Variants in NTRK2 observed in about 807,000 individuals in gnomAD.
The protein encoded by NTRK2 is neurotrophic receptor tyrosine kinase 2.
In NTRK2, 13 loss-of-function variants were observed where a neutral mutation model predicts 94.5. That is an observed-to-expected ratio of 0.14 (90% CI 0.09 to 0.22). NTRK2 has a LOEUF of 0.22. NTRK2 is among the 10% of genes least tolerant of loss of function. The pLI is 1.00. For missense variants in NTRK2, 639 were observed against 1,071.2 expected (o/e 0.60, Z 5.63); for synonymous variants, 372 against 407.4 (o/e 0.91, Z 1.05).
At chr9:84,785,873 G>A (rs1385921526) in intron 12 of NTRK2, among the ~76,000 whole-genome samples, 1 of 152,134 alleles carries the variant, frequency 6.6e-6, no homozygotes, top group African/African-American at 2.4e-5. Context: ...TAGTCATTGT[G>A]GACAAAGGAT....
chr9:84,823,308 G>A (rs1224542538), intron 12 of NTRK2, among the ~76,000 whole-genome samples: 1 of 152,080 alleles, frequency 6.6e-6, no homozygotes, highest in African/African-American at 2.4e-5. Context: ...TTCCTATCAT[G>A]ACAGCTCTTG....
intron 17 of NTRK2, among the ~76,000 whole-genome samples, chr9:84,987,725 A>G (rs1456483113): frequency 6.6e-6 from 1 of 152,174 alleles, no homozygotes; most frequent in African/African-American, 2.4e-5. Flanking sequence ...ATTTACTACC[A>G]CTAAATTATA....
intron 17 of NTRK2, among the ~76,000 whole-genome samples, chr9:84,972,176 G>A (rs950255137): frequency 6.6e-6 from 1 of 152,154 alleles, no homozygotes; most frequent in African/African-American, 2.4e-5. Flanking sequence ...GGACATACTA[G>A]CTACCTTCTG....
chr9:84,902,913 A>C (rs2076973122), intron 14 of NTRK2, among the ~76,000 whole-genome samples: 2 of 152,296 alleles, frequency 1.3e-5, no homozygotes, highest in South Asian at 2.1e-4. Context: ...ATGAGGTCTA[A>C]ATGCAACAAT....
chr9:84,933,753 C>A (rs540017059), intron 14 of NTRK2, among the ~76,000 whole-genome samples: 1 of 152,272 alleles, frequency 6.6e-6, no homozygotes, highest in African/African-American at 2.4e-5. Context: ...ATGGCTTAAC[C>A]AATAATTCAG....
At chr9:84,694,151 G>A (rs922764715) in intron 2 of NTRK2, among the ~76,000 whole-genome samples, 5 of 152,172 alleles carry the variant, frequency 3.3e-5, no homozygotes, top group African/African-American at 1.2e-4. Context: ...GACTTCAGAG[G>A]CAGGTACATC....
At chr9:84,801,660 G>A (rs949186538) in intron 12 of NTRK2, among the ~76,000 whole-genome samples, 1 of 152,134 alleles carries the variant, frequency 6.6e-6, no homozygotes, top group African/African-American at 2.4e-5. Context: ...GGCAGGCCAG[G>A]CTATGCTATG....
At chr9:84,836,169 A>C (rs940954248) in intron 12 of NTRK2, among the ~76,000 whole-genome samples, 1 of 152,236 alleles carries the variant, frequency 6.6e-6, no homozygotes. Context: ...CATATTGTGA[A>C]CATTTTATTA....
intron 17 of NTRK2, among the ~76,000 whole-genome samples, chr9:84,978,701 G>A (rs886514929): frequency 6.6e-6 from 1 of 152,174 alleles, no homozygotes; most frequent in African/African-American, 2.4e-5. Flanking sequence ...TGCCATCTGG[G>A]CTATGAAAAT....
chr9:84,862,113 A>G (rs1034295012), intron 13 of NTRK2, among the ~76,000 whole-genome samples: 5 of 152,180 alleles, frequency 3.3e-5, no homozygotes, highest in Admixed American at 2.6e-4. Context: ...GACTCTCGCT[A>G]GCTCCATGGA....
intron 2 of NTRK2, among the ~76,000 whole-genome samples, chr9:84,672,544 A>G (rs1295495929): frequency 6.6e-6 from 1 of 151,990 alleles, no homozygotes; most frequent in Non-Finnish European, 1.5e-5. Context: ...AGTGCTTCTG[A>G]CTGTTTTGAG....
chr9:84,814,970 G>C, intron 12 of NTRK2: 3 of 1,059,878 alleles, frequency 2.8e-6, no homozygotes, highest in Non-Finnish European at 3.4e-6. Context: ...TTCATCTAAA[G>C]ACATAGGGGA....
chr9:84,815,520 T>TG, intron 12 of NTRK2: 1 of 857,956 alleles, frequency 1.2e-6, no homozygotes, highest in African/African-American at 1.8e-5. Flanking sequence ...CATGCCCTGT[T>TG]TTTTTTTTTT....
intron 6 of NTRK2, among the ~76,000 whole-genome samples, chr9:84,723,031 A>G (rs972603476): frequency 6.6e-6 from 1 of 152,328 alleles, no homozygotes; most frequent in South Asian, 2.1e-4. Flanking sequence ...CTTTGAAACT[A>G]CATTTTCTTC....
chr9:84,982,596 A>G (rs1827769788), intron 17 of NTRK2, among the ~76,000 whole-genome samples: 1 of 152,168 alleles, frequency 6.6e-6, no homozygotes, highest in Non-Finnish European at 1.5e-5. Flanking sequence ...CTTTGTCCCA[A>G]CATCTTCATT....
At chr9:84,874,166 C>A (rs1173479434) in intron 14 of NTRK2, 2 of 1,064,870 alleles carry the variant, frequency 1.9e-6, no homozygotes, top group Non-Finnish European at 2.3e-6. Context: ...GCCACTCTTG[C>A]ATGTGCTAGT....
At chr9:84,922,771 G>A (rs903525217) in intron 14 of NTRK2, among the ~76,000 whole-genome samples, 10 of 152,140 alleles carry the variant, frequency 6.6e-5, no homozygotes, top group Non-Finnish European at 1.2e-4. Context: ...ACTCATCCTT[G>A]AGTCTTCCAC....
chr9:84,676,393 A>G (rs2059055720), intron 2 of NTRK2, among the ~76,000 whole-genome samples: 1 of 151,662 alleles, frequency 6.6e-6, no homozygotes. Context: ...TCTGCTCTGA[A>G]CTCCCTCAAA....
chr9:84,694,114 G>A (rs1011094784), intron 2 of NTRK2, among the ~76,000 whole-genome samples: 1 of 152,194 alleles, frequency 6.6e-6, no homozygotes, highest in East Asian at 1.9e-4. Flanking sequence ...CCCAGTCCTA[G>A]AGCGTGGTAC....
Sources: gnomAD v4.1 joint callset for allele counts (sites outside exome capture counted in the v4.1 genomes callset) on GRCh38, gnomAD v4.1.1 for gene constraint, MANE v1.5 for transcripts, NCBI Gene and HGNC (gene_info 2026-07-23, HGNC 2026-07-21) for gene names.